The following SLC2A11 variants were observed in gnomAD, a reference collection of about 807,000 sequenced individuals.
SLC2A11 encodes the protein solute carrier family 2, facilitated glucose transporter member 11.
Under a neutral mutation model 52.1 loss-of-function variants are expected in SLC2A11, and 43 were observed. The observed-to-expected ratio is 0.82, with a 90% confidence interval of 0.65 to 1.06. The LOEUF (loss-of-function observed/expected upper bound fraction) is 1.06, where lower values mean the gene tolerates loss of function less well. Among genes scored for constraint, SLC2A11 ranks in the 50% least tolerant of loss-of-function variants. SLC2A11 has a pLI of 0.00. For synonymous variants in SLC2A11, 261 were observed against 277.6 expected, an observed-to-expected ratio of 0.94 and a Z score of 0.59; for missense variants, 582 against 654.2, an observed-to-expected ratio of 0.89 and a Z score of 1.20.
chr22:23,885,861 A>G lies in SLC2A11; in HGVS notation c.*1012A>G, dbSNP rs1046868630. 2 of 152,064 alleles carry G rather than the reference A, an allele frequency of 1.3e-5. No individual in the cohort carries two copies. Among genetic ancestry groups the G allele is most frequent in the African/African-American group, 4.8e-5 (2 of 41,328 alleles). 9.4% of individuals were successfully genotyped at this position (152,064 alleles called of 1,614,324 possible). ...AATTTATACATAACCAACTGCATCC[A>G]TTTTAAGTATATATTTGGCGAGTTT... On this transcript the variant is annotated 3_prime_UTR_variant, in exon 12 of 12. Coordinates refer to ENST00000316185, the MANE Select transcript of SLC2A11 (RefSeq NM_001024939.4).
intron 1 of SLC2A11, among the ~76,000 whole-genome samples, chr22:23,859,185 C>T (rs1296673068): frequency 2.0e-5 from 3 of 152,212 alleles, no homozygotes; most frequent in African/African-American, 4.8e-5. Context: ...ATGCGGCCCC[C>T]GTGGAGCTGT....
At chr22:23,869,877 G>A (rs764725835) in intron 3 of SLC2A11, 2 of 648,028 alleles carry the variant, frequency 3.1e-6, no homozygotes, top group East Asian at 2.8e-5. Context: ...GGCGAATGCT[G>A]TGTCCTCATA....
intron 2 of SLC2A11, among the ~76,000 whole-genome samples, chr22:23,863,017 A>T (rs907396048): frequency 6.6e-6 from 1 of 152,184 alleles, no homozygotes; most frequent in Non-Finnish European, 1.5e-5. Flanking sequence ...TCATGGAAAA[A>T]GGAAGAAGAA....
In SLC2A11 at chr22:23,860,104, C is replaced by T. The variant is rs149470534; in HGVS notation, c.31-2000C>T. On this transcript the variant is annotated intron_variant, in intron 1 of 11. Coordinates refer to ENST00000316185, the MANE Select transcript of SLC2A11 (RefSeq NM_001024939.4). ...CTGAATTTTCAAAAATCTTAACAAACGTGTCATTTTGTAATTAAAAATCAC... is the reference window on the plus strand; with the variant it reads ...CTGAATTTTCAAAAATCTTAACAAATGTGTCATTTTGTAATTAAAAATCAC... 3.9e-5 allele frequency among the ~76,000 whole-genome samples: 6 copies of T among 152,274 alleles called. 1 individual carries two copies. In the South Asian group the frequency reaches 1.0e-3, roughly 26 times the overall value.
chr22:23,885,072 G>C lies in SLC2A11; in HGVS notation c.*223G>C. On this transcript the variant is annotated 3_prime_UTR_variant, in exon 12 of 12. Transcript: ENST00000316185. ...AAAATCAGTAACAACATAATTACAGGCTGGTTGTGGCAGCTCATGACTGTA... is the reference window on the plus strand; with the variant it reads ...AAAATCAGTAACAACATAATTACAGCCTGGTTGTGGCAGCTCATGACTGTA... 1 of 563,546 alleles carries C rather than the reference G, an allele frequency of 1.8e-6. No individual in the cohort carries two copies. The highest frequency in any genetic ancestry group is 3.1e-6 in the Non-Finnish European group (1 of 319,410). 34.9% of individuals were successfully genotyped at this position (563,546 alleles called of 1,614,324 possible).
Position 23,861,312 on chromosome 22 carries a change from A to G in SLC2A11, c.31-792A>G, listed in dbSNP as rs1254836573. On this transcript the variant is annotated intron_variant, in intron 1 of 11. Transcript: ENST00000316185. The stretch of plus-strand genomic sequence containing the variant: ...TCTCAAAAAAAAAAAAAAAAAAAAA[A>G]AAAGAAAATCCCAACTATCCCAACT... 5.3e-5 allele frequency among the ~76,000 whole-genome samples: 4 copies of G among 75,686 alleles called. 1 individual carries two copies. The highest frequency in any genetic ancestry group is 6.8e-4 in the South Asian group (2 of 2,928). 49.7% of individuals were successfully genotyped at this position (75,686 alleles called of 152,430 possible). A position where few individuals can be genotyped will look rare whatever the true frequency, so the allele number is the denominator to read the frequency against.
At position 23,884,238 on chromosome 22, in the gene SLC2A11, G is replaced by T. The variant is rs1050145108; in HGVS notation, c.1172-64G>T. 1 of 1,561,876 alleles carries T rather than the reference G, an allele frequency of 6.4e-7. No homozygotes were observed. Among genetic ancestry groups the T allele is most frequent in the East Asian group, 2.3e-5 (1 of 43,462 alleles). The stretch of plus-strand genomic sequence containing the variant: ...GGCTCCCACTCCCATGTCTGGGCTG[G>T]GGTCGGGGAGAGGCAGGCAGGGAAC... On this transcript the variant is annotated intron_variant, in intron 10 of 11. Transcript: ENST00000316185. This position sits in a 1 kb window ranked among gnomAD's most constrained non-coding sequence, Gnocchi z 4.3.
intron 3 of SLC2A11, 146 bp from the exon 4 acceptor site, chr22:23,874,971 A>G (rs1555886317): frequency 2.4e-6 from 2 of 850,740 alleles, no homozygotes; most frequent in Non-Finnish European, 3.2e-6. Context: ...CAAGGATACC[A>G]GGACTCAAAG....
chr22:23,864,535 G>A (rs948675395), intron 2 of SLC2A11, among the ~76,000 whole-genome samples: 1 of 152,150 alleles, frequency 6.6e-6, no homozygotes, highest in African/African-American at 2.4e-5. Context: ...AGCCAGGCTG[G>A]TCTCAAACTC....
At chr22:23,867,320 G>A (rs1275734783) in intron 2 of SLC2A11, 1 of 158,446 alleles carries the variant, frequency 6.3e-6, no homozygotes, top group Non-Finnish European at 1.4e-5. Flanking sequence ...CTCCCAAGTA[G>A]CTGGGATTAC....
intron 2 of SLC2A11, among the ~76,000 whole-genome samples, chr22:23,863,901 G>A (rs2032166969): frequency 6.6e-6 from 1 of 152,018 alleles, no homozygotes; most frequent in Non-Finnish European, 1.5e-5. Flanking sequence ...GAAGTTCTAG[G>A]ATTACAGGCA....
rs200314415 is a variant in SLC2A11 at position 23,882,808 on chromosome 22, C to T, written c.932C>T (p.Ala311Val). 1.2e-6 allele frequency: 2 copies of T among 1,613,872 alleles called. No individual in the cohort carries two copies. The highest frequency in any genetic ancestry group is 1.7e-4 in the Middle Eastern group (1 of 6,060). ...SVFRKAGVPEAKIQYAIIGTG... is the reference protein window; with the variant it reads ...SVFRKAGVPEVKIQYAIIGTG... ...TTCCGGAAGGCAGGAGTGCCGGAAGCGAAGATCCAGTACGCGATCATCGGG... is the reference window on the plus strand; with the variant it reads ...TTCCGGAAGGCAGGAGTGCCGGAAGTGAAGATCCAGTACGCGATCATCGGG... Residue 311 changes from alanine (A) to valine (V), a missense_variant, in exon 8 of 12, where the codon GCG (alanine) becomes GTG (valine). Transcript: ENST00000316185.
upstream of SLC2A11, chr22:23,857,602 C>CAAA: frequency 8.4e-7 from 1 of 1,195,594 alleles, no homozygotes. Flanking sequence ...CGGCGACTCC[C>CAAA]CCCCAACACG....
At chr22:23,883,366 G>A (rs140692831) in intron 8 of SLC2A11, 26 of 316,414 alleles carry the variant, frequency 8.2e-5, no homozygotes, top group Non-Finnish European at 1.2e-4. Context: ...AGCTACTGGC[G>A]AGGCTGAGGT....
Position 23,862,088 on chromosome 22 carries a change from TC to T in SLC2A11, c.31-15del. ...GGCTGTTGTTGGTCACTCTGTGTTC[TC>T]TCCTCTCTCCTCAGATTCAGGGCAG... On this transcript the variant is annotated splice_polypyrimidine_tract_variant and intron_variant, in intron 1 of 11. Transcript: ENST00000316185. 6.2e-7 allele frequency: 1 copy of T among 1,612,006 alleles called. No individual in the cohort carries two copies. The highest frequency in any genetic ancestry group is 8.5e-7 in the Non-Finnish European group (1 of 1,178,128).
Position 23,878,620 on chromosome 22 carries a change from G to A in SLC2A11, c.694+751G>A, listed in dbSNP as rs77693840. Among the ~76,000 whole-genome samples, 606 of 152,350 alleles carry A rather than the reference G, an allele frequency of 4.0e-3. 1 individual carries two copies. Among genetic ancestry groups the A allele is most frequent in the African/African-American group, 0.013 (530 of 41,572 alleles). On this transcript the variant is annotated intron_variant, in intron 6 of 11. Coordinates refer to ENST00000316185, the MANE Select transcript of SLC2A11 (RefSeq NM_001024939.4). ...TGCCAAATCCCAAGTCAAGGGATGG[G>A]AAAATTGATGGCATATCCTCTCCCA...
At chr22:23,861,723 T>C (rs2032074849) in intron 1 of SLC2A11, among the ~76,000 whole-genome samples, 1 of 152,238 alleles carries the variant, frequency 6.6e-6, no homozygotes, top group Admixed American at 6.5e-5. Context: ...AGTCAGAGGC[T>C]CCTGTCCTGC....
intron 1 of SLC2A11, among the ~76,000 whole-genome samples, chr22:23,861,237 C>T (rs2032047622): frequency 8.1e-6 from 1 of 123,754 alleles, no homozygotes; most frequent in Non-Finnish European, 1.6e-5. Flanking sequence ...CTCGGCCTCC[C>T]AAAGTGCTGG....
Position 23,857,991 on chromosome 22 carries a change from C to A in SLC2A11, c.-9C>A. The A allele has an allele frequency of 6.3e-7, 1 of 1,591,260 alleles. No homozygotes were observed. Among genetic ancestry groups the A allele is most frequent in the Non-Finnish European group, 8.5e-7 (1 of 1,169,782 alleles). On this transcript the variant is annotated 5_prime_UTR_variant, in exon 1 of 12. Coordinates refer to ENST00000316185, the MANE Select transcript of SLC2A11 (RefSeq NM_001024939.4). The stretch of plus-strand genomic sequence containing the variant: ...GACAGCAAGACCTCCGCTCAGGCCC[C>A]TCTTTCGAATGCTCCACGCCCTCCT...
Sources: gnomAD v4.1 joint callset for allele counts (sites outside exome capture counted in the v4.1 genomes callset) on GRCh38, gnomAD v4.1.1 for gene constraint, Gnocchi (gnomAD v3.1) non-coding constraint, MANE v1.5 for transcripts, NCBI Gene and HGNC (gene_info 2026-07-23, HGNC 2026-07-21) for gene names.